Variants in NEGR1 observed in about 807,000 individuals in gnomAD.
NEGR1 encodes neuronal growth regulator 1.
A neutral mutation model predicts 40.9 loss-of-function variants in NEGR1; 10 were observed. The observed-to-expected ratio is 0.24, with a 90% CI of 0.15 to 0.42. The LOEUF is 0.42. Among genes scored for constraint, NEGR1 ranks in the 10% least tolerant of loss-of-function variants. The pLI is 1.00. For synonymous variants in NEGR1, 185 were observed against 166.8 expected (o/e 1.11, Z -0.84); for missense variants, 352 against 438.9 (o/e 0.80, Z 1.77).
chr1:72,039,364 G>A (rs1216946922), intron 1 of NEGR1, among the ~76,000 whole-genome samples: 3 of 152,052 alleles, frequency 2.0e-5, no homozygotes, highest in South Asian at 2.1e-4. Flanking sequence ...GAATAGATTC[G>A]TAGGTGTGGA....
chr1:72,182,646 C>A (rs757188038), intron 1 of NEGR1, among the ~76,000 whole-genome samples: 22 of 151,832 alleles, frequency 1.4e-4, no homozygotes, highest in Non-Finnish European at 2.7e-4. Flanking sequence ...GTTCTTAAAC[C>A]TGGCTTTATA....
intron 5 of NEGR1, among the ~76,000 whole-genome samples, chr1:71,606,891 G>A (rs1268491072): frequency 6.6e-6 from 1 of 152,112 alleles, no homozygotes; most frequent in Non-Finnish European, 1.5e-5. Flanking sequence ...AGAACTGCAG[G>A]CAGAGATAGG....
intron 2 of NEGR1, among the ~76,000 whole-genome samples, chr1:71,846,426 CAT>C (rs893852206): frequency 7.8e-6 from 1 of 127,820 alleles, no homozygotes; most frequent in African/African-American, 3.0e-5. Context: ...AACACACACA[CAT>C]GCAGGTTATG....
At chr1:72,011,245 C>T (rs1646654675) in intron 1 of NEGR1, among the ~76,000 whole-genome samples, 2 of 151,964 alleles carry the variant, frequency 1.3e-5, no homozygotes, top group South Asian at 4.1e-4. Context: ...TATTAGTGGG[C>T]TCAGCATGTC....
At chr1:71,638,535 G>A (rs1651237722) in intron 4 of NEGR1, among the ~76,000 whole-genome samples, 1 of 152,068 alleles carries the variant, frequency 6.6e-6, no homozygotes, top group Non-Finnish European at 1.5e-5. Flanking sequence ...GAGCTGCACA[G>A]TGATAGGGAC....
intron 1 of NEGR1, among the ~76,000 whole-genome samples, chr1:71,995,244 G>C (rs1251830727): frequency 6.6e-6 from 1 of 152,028 alleles, no homozygotes; most frequent in African/African-American, 2.4e-5. Flanking sequence ...GCTTCGCTTG[G>C]TTATCTTCCC....
chr1:72,193,281 A>C (rs758502422), intron 1 of NEGR1, among the ~76,000 whole-genome samples: 1 of 151,856 alleles, frequency 6.6e-6, no homozygotes, highest in Non-Finnish European at 1.5e-5. Flanking sequence ...AATTTCATAC[A>C]GAATGATCAA....
At chr1:72,183,108 C>A (rs1652450418) in intron 1 of NEGR1, among the ~76,000 whole-genome samples, 1 of 151,998 alleles carries the variant, frequency 6.6e-6, no homozygotes, top group Admixed American at 6.6e-5. Flanking sequence ...CTTAATGAGA[C>A]TGAAAAGAGA....
chr1:71,505,611 TA>T (rs1647027514), intron 6 of NEGR1, among the ~76,000 whole-genome samples: 2 of 152,284 alleles, frequency 1.3e-5, no homozygotes, highest in South Asian at 4.1e-4. Context: ...GATAGTCCTA[TA>T]AACAGAAGTG....
chr1:71,790,307 T>C (rs1360769718), intron 2 of NEGR1, among the ~76,000 whole-genome samples: 1 of 152,104 alleles, frequency 6.6e-6, no homozygotes, highest in African/African-American at 2.4e-5. Context: ...TATTTGGCTG[T>C]TTTGTTTTCT....
intron 6 of NEGR1, among the ~76,000 whole-genome samples, chr1:71,459,335 C>G (rs1646698144): frequency 6.6e-6 from 1 of 152,192 alleles, no homozygotes; most frequent in Non-Finnish European, 1.5e-5. Context: ...GTTCACTAAT[C>G]TGAGATGAGA....
At chr1:71,857,479 T>A (rs1446523672) in intron 2 of NEGR1, among the ~76,000 whole-genome samples, 66 of 119,458 alleles carry the variant, frequency 5.5e-4, no homozygotes, top group Non-Finnish European at 8.9e-4. Flanking sequence ...AAAAAAAAAA[T>A]TAGCTGGGCT....
intron 1 of NEGR1, among the ~76,000 whole-genome samples, chr1:72,207,215 A>G (rs1363180892): frequency 6.6e-6 from 1 of 151,870 alleles, no homozygotes; most frequent in Non-Finnish European, 1.5e-5. Flanking sequence ...ATCGTAAAGT[A>G]GATATGGAAA....
chr1:71,979,337 A>T (rs143981361), intron 1 of NEGR1, among the ~76,000 whole-genome samples: 343 of 152,292 alleles, frequency 2.3e-3, no homozygotes, highest in African/African-American at 7.9e-3. Flanking sequence ...ACAAACCAGC[A>T]TATGTATTCC....
At position 71,573,117 on chromosome 1, in the gene NEGR1, T is replaced by C. The variant is rs149083425; in HGVS notation, c.940+19700A>G. Among the ~76,000 whole-genome samples, 253 of 152,230 alleles carry C rather than the reference T, an allele frequency of 1.7e-3. 3 individuals carry two copies. The highest frequency in any genetic ancestry group is 5.8e-3 in the African/African-American group (241 of 41,536). ...GGAAACACTGTAGGTATGCTTAATATGGGTATGGCTATTGTAGGTTCGATG... is the reference window on the plus strand; with the variant it reads ...GGAAACACTGTAGGTATGCTTAATACGGGTATGGCTATTGTAGGTTCGATG... On this transcript the variant is annotated intron_variant, in intron 6 of 6. Coordinates refer to ENST00000357731, the MANE Select transcript of NEGR1 (RefSeq NM_173808.3).
At chr1:72,159,447 T>C (rs1651476674) in intron 1 of NEGR1, among the ~76,000 whole-genome samples, 1 of 152,124 alleles carries the variant, frequency 6.6e-6, no homozygotes, top group African/African-American at 2.4e-5. Flanking sequence ...CACTAGATTC[T>C]GCACAATGTA....
chr1:72,191,025 G>GT (rs572395328), intron 1 of NEGR1, among the ~76,000 whole-genome samples: 1,924 of 150,218 alleles, frequency 0.013, 17 homozygotes, highest in Middle Eastern at 0.028. Flanking sequence ...TAATTTTATA[G>GT]TTTTTTTTTA....
chr1:71,704,818 GAAA>G (rs1034606536), intron 3 of NEGR1, among the ~76,000 whole-genome samples: 3 of 151,468 alleles, frequency 2.0e-5, no homozygotes, highest in Non-Finnish European at 3.0e-5. Flanking sequence ...AATATCAAAA[GAAA>G]AAATAATACT....
chr1:71,792,119 C>T (rs910427955), intron 2 of NEGR1, among the ~76,000 whole-genome samples: 5 of 152,024 alleles, frequency 3.3e-5, no homozygotes, highest in Admixed American at 3.3e-4. Context: ...TAGTGTATTC[C>T]TTCTGAGGGC....
Sources: allele counts gnomAD v4.1 joint callset (sites outside exome capture counted in the v4.1 genomes callset), GRCh38; gene constraint gnomAD v4.1.1; transcripts MANE v1.5; gene names NCBI Gene and HGNC (gene_info 2026-07-23, HGNC 2026-07-21).